Variants in CUL2 observed in about 807,000 individuals in gnomAD.
The protein encoded by CUL2 is cullin 2.
CUL2 carries 22 observed loss-of-function variants against 110.2 expected under a neutral mutation model. The observed-to-expected ratio is 0.20, with a 90% CI of 0.14 to 0.28. The LOEUF (loss-of-function observed/expected upper bound fraction) is 0.28, where lower values mean the gene tolerates loss of function less well. Among genes scored for constraint, CUL2 ranks in the 10% least tolerant of loss-of-function variants. CUL2 has a pLI of 1.00. For missense variants in CUL2, 631 were observed against 905.5 expected (o/e 0.70, Z 3.89); for synonymous variants, 279 against 293.2 (o/e 0.95, Z 0.49).
In CUL2 at chr10:35,031,395, A is replaced by T. The variant is rs372463631; in HGVS notation, c.1300-9T>A. 14 of 1,603,494 alleles carry T rather than the reference A, an allele frequency of 8.7e-6. No individual in the cohort carries two copies. The highest frequency in any genetic ancestry group is 2.7e-5 in the African/African-American group (2 of 74,372). Reference sequence around the variant, plus strand: ...AGCATTCTTGCGTAGAACTACATTTAAAAATATTTTAAAAGATTACTTCCT... The same window carrying T: ...AGCATTCTTGCGTAGAACTACATTTTAAAATATTTTAAAAGATTACTTCCT... On this transcript the variant is annotated splice_polypyrimidine_tract_variant and intron_variant, in intron 13 of 20. Transcript: ENST00000374749. The surrounding 1 kb of genome is among the most constrained non-coding windows in gnomAD (Gnocchi z 4.4).
At chr10:35,073,580 CTTTTCTTTTTTTTTTTCTTTTTCT>C (rs1459008461) in intron 1 of CUL2, among the ~76,000 whole-genome samples, 1 of 150,796 alleles carries the variant, frequency 6.6e-6, no homozygotes, top group South Asian at 2.1e-4. Flanking sequence ...ATTTTCTTTT[CTTTTCTTTTTTTTTTTCTTTTTCT>C]TTTTCTTTTT....
chr10:35,071,685 G>A (rs536924603), intron 1 of CUL2, among the ~76,000 whole-genome samples: 2 of 152,200 alleles, frequency 1.3e-5, no homozygotes, highest in African/African-American at 4.8e-5. Context: ...TGGGATTACA[G>A]GCATGAACCA....
chr10:35,051,612 AAACAAC>A (rs561771748), intron 5 of CUL2, among the ~76,000 whole-genome samples: 6 of 152,112 alleles, frequency 3.9e-5, no homozygotes, highest in Admixed American at 6.5e-5. Context: ...CTCCGTCTCA[AAACAAC>A]AACAACAACA....
intron 1 of CUL2, among the ~76,000 whole-genome samples, chr10:35,077,338 A>G (rs542507715): frequency 6.6e-6 from 1 of 150,776 alleles, no homozygotes; most frequent in African/African-American, 2.4e-5. Flanking sequence ...AACAAAAAAA[A>G]CAAACAAAAA....
chr10:35,074,482 T>G (rs556375938), intron 1 of CUL2, among the ~76,000 whole-genome samples: 32 of 152,244 alleles, frequency 2.1e-4, no homozygotes, highest in African/African-American at 7.7e-4. Context: ...CTCCCACTGA[T>G]AGTCTAACCT....
intron 6 of CUL2, among the ~76,000 whole-genome samples, chr10:35,047,997 G>C (rs1244906205): frequency 6.6e-6 from 1 of 152,068 alleles, no homozygotes; most frequent in Non-Finnish European, 1.5e-5. Context: ...GATGGAGGCT[G>C]GAGTCAAATG....
intron 1 of CUL2, among the ~76,000 whole-genome samples, chr10:35,116,595 T>C (rs7097545): frequency 0.027 from 4,125 of 152,252 alleles, 189 homozygotes; most frequent in African/African-American, 0.094. Context: ...TCCTTATTTA[T>C]GATGTAAGAA....
chr10:35,037,258 G>A (rs1371296720), intron 9 of CUL2, among the ~76,000 whole-genome samples: 1 of 152,216 alleles, frequency 6.6e-6, no homozygotes, highest in Non-Finnish European at 1.5e-5. Context: ...CCAATTGACT[G>A]AGCAATGCGT....
At chr10:35,066,094 G>A (rs978244957) in intron 2 of CUL2, among the ~76,000 whole-genome samples, 1 of 152,054 alleles carries the variant, frequency 6.6e-6, no homozygotes, top group African/African-American at 2.4e-5. Flanking sequence ...TTTATTTCAT[G>A]TTCTCTATTA....
At chr10:35,068,013 G>A (rs1321073406) in intron 2 of CUL2, among the ~76,000 whole-genome samples, 1 of 151,736 alleles carries the variant, frequency 6.6e-6, no homozygotes, top group Admixed American at 6.6e-5. Context: ...GGGAGGCTGA[G>A]GCAGGAGAAT....
chr10:35,055,423 T>C (rs2086217822), intron 4 of CUL2, among the ~76,000 whole-genome samples: 1 of 152,192 alleles, frequency 6.6e-6, no homozygotes, highest in Non-Finnish European at 1.5e-5. Flanking sequence ...GACAACAATT[T>C]TGGGAAACAA....
At chr10:35,112,802 A>G (rs1247652416) in intron 1 of CUL2, among the ~76,000 whole-genome samples, 4 of 152,226 alleles carry the variant, frequency 2.6e-5, no homozygotes, top group African/African-American at 7.2e-5. Context: ...AAATCAAAAT[A>G]GATCAAGATT....
Position 35,033,248 on chromosome 10 carries a change from A to C in CUL2, c.1028T>G (p.Val343Gly), listed in dbSNP as rs2085523091. The change falls in exon 11 of 21, where the codon GTT becomes GGT. Residue 343 changes from valine (V) to glycine (G), a missense_variant. Val to Gly is a moderately radical substitution (Grantham distance 109). Around this residue, in one of 3 missense-constraint regions of CUL2, gnomAD observed 338 missense variants for 442.5 expected, o/e 0.76. Transcript: ENST00000374749. ...ENMPTLFVES[V>G]LEVHGKFVQL... The stretch of plus-strand genomic sequence containing the variant: ...AACAAATTTACCATGCACTTCCAAA[A>C]CTGACTCCACAAATAGTGTTGGCAT... 6.2e-7 allele frequency: 1 copy of C among 1,613,350 alleles called. No individual in the cohort carries two copies. Among genetic ancestry groups the C allele is most frequent in the South Asian group, 1.1e-5 (1 of 91,070 alleles).
intron 17 of CUL2, among the ~76,000 whole-genome samples, chr10:35,017,946 T>C (rs1043232993): frequency 3.3e-5 from 5 of 151,858 alleles, no homozygotes; most frequent in Middle Eastern, 3.4e-3. Context: ...AAGTTGTGGT[T>C]TGACGACTAA....
intron 4 of CUL2, among the ~76,000 whole-genome samples, chr10:35,055,472 C>T (rs765244563): frequency 3.9e-5 from 6 of 152,228 alleles, no homozygotes; most frequent in Non-Finnish European, 7.3e-5. Flanking sequence ...GGGGCTCACG[C>T]CTGTAATCCC....
At chr10:35,119,711 C>T (rs1291409532) in intron 1 of CUL2, among the ~76,000 whole-genome samples, 1 of 151,918 alleles carries the variant, frequency 6.6e-6, no homozygotes, top group African/African-American at 2.4e-5. Flanking sequence ...GCTGGGACTA[C>T]AGACATGCTA....
intron 17 of CUL2, among the ~76,000 whole-genome samples, chr10:35,018,288 CAAAAA>C (rs11357517): frequency 4.0e-5 from 3 of 75,272 alleles, no homozygotes; most frequent in South Asian, 4.9e-4. Flanking sequence ...CTCCATCTCA[CAAAAA>C]AAAAAAAAAA....
intron 1 of CUL2, among the ~76,000 whole-genome samples, chr10:35,078,604 C>T (rs1376978496): frequency 1.3e-5 from 2 of 152,102 alleles, no homozygotes; most frequent in African/African-American, 4.8e-5. Context: ...CCCAGCCCGA[C>T]ATTTTTCATA....
intron 2 of CUL2, among the ~76,000 whole-genome samples, chr10:35,099,779 G>C (rs978098930): frequency 4.6e-5 from 7 of 152,022 alleles, no homozygotes; most frequent in Non-Finnish European, 7.4e-5. Context: ...AGCTTACTTA[G>C]ATATGGATGG....
Sources: allele counts gnomAD v4.1 joint callset (sites outside exome capture counted in the v4.1 genomes callset), GRCh38; gene constraint gnomAD v4.1.1; regional missense constraint gnomAD v4.1.1; non-coding constraint Gnocchi (gnomAD v3.1); transcripts MANE v1.5; gene names NCBI Gene and HGNC (gene_info 2026-07-23, HGNC 2026-07-21).